Variants in SERPINI1 observed in about 807,000 individuals in gnomAD.
SERPINI1 encodes serpin family I member 1.
Under a neutral mutation model 41.1 loss-of-function variants are expected in SERPINI1, and 19 were observed. The observed-to-expected ratio is 0.46, with a 90% CI of 0.32 to 0.68. The LOEUF (loss-of-function observed/expected upper bound fraction) is 0.68. Ranked by LOEUF, SERPINI1 falls within the 30% of genes least tolerant of loss-of-function variation. The pLI, the probability that SERPINI1 is intolerant of heterozygous loss-of-function variation, is 0.03. For synonymous variants in SERPINI1, 138 were observed against 156.6 expected, an observed-to-expected ratio of 0.88 and a Z score of 0.89; for missense variants, 460 against 479.2, an observed-to-expected ratio of 0.96 and a Z score of 0.37.
At chr3:167,817,803 G>A (rs907938142) in intron 6 of SERPINI1, among the ~76,000 whole-genome samples, 1 of 151,724 alleles carries the variant, frequency 6.6e-6, no homozygotes, top group Non-Finnish European at 1.5e-5. Context: ...GTTTCACCGT[G>A]TTAGCCAGGG....
chr3:167,773,542 T>C (rs960914558), intron 1 of SERPINI1, among the ~76,000 whole-genome samples: 1 of 152,230 alleles, frequency 6.6e-6, no homozygotes, highest in Admixed American at 6.5e-5. Context: ...CAAATGTAAC[T>C]AGAATACTTT....
chr3:167,744,663 AAAATATATATAT>A (rs1288761045), intron 1 of SERPINI1, among the ~76,000 whole-genome samples: 2 of 118,728 alleles, frequency 1.7e-5, no homozygotes, highest in African/African-American at 3.8e-5. Flanking sequence ...TATAAATATA[AAAATATATATAT>A]AAATATATAT....
At chr3:167,783,999 C>T (rs955145588) in intron 1 of SERPINI1, among the ~76,000 whole-genome samples, 8 of 152,228 alleles carry the variant, frequency 5.3e-5, no homozygotes, top group African/African-American at 1.9e-4. Context: ...ACTGCCCTGG[C>T]AGAGGCCCTC....
At position 167,825,267 on chromosome 3, in the gene SERPINI1, C is replaced by G. The variant is rs761133163; in HGVS notation, c.1177C>G (p.Arg393Gly). The G allele has an allele frequency of 1.2e-6, 2 of 1,612,532 alleles. No individual in the cohort carries two copies. Among genetic ancestry groups the G allele is most frequent in the Non-Finnish European group, 1.7e-6 (2 of 1,178,780 alleles). Residue 393 changes from arginine (R) to glycine (G), a missense_variant, in exon 9 of 9, where the codon CGA (arginine) becomes GGA (glycine). Arg to Gly is a moderately radical substitution (Grantham distance 125, BLOSUM62 -2). Transcript: ENST00000446050. ...RRTGTILFMG[R>G]VMHPETMNTS... ...TACAGGTACAATTCTATTCATGGGA[C>G]GAGTCATGCATCCTGAAACAATGAA... is the stretch of plus-strand genomic sequence containing the variant.
chr3:167,757,177 GTTTTACT>G (rs1433949283), intron 1 of SERPINI1, among the ~76,000 whole-genome samples: 1 of 152,148 alleles, frequency 6.6e-6, no homozygotes, highest in African/African-American at 2.4e-5. Flanking sequence ...CAACCCTCCT[GTTTTACT>G]GATGAAGCCT....
At chr3:167,815,688 C>T (rs1712057229) in intron 6 of SERPINI1, among the ~76,000 whole-genome samples, 1 of 152,082 alleles carries the variant, frequency 6.6e-6, no homozygotes, top group South Asian at 2.1e-4. Flanking sequence ...CTATGCCCGG[C>T]CTTCTTATTT....
At chr3:167,791,316 AAATCATGTT>A (rs1450081846) in intron 3 of SERPINI1, among the ~76,000 whole-genome samples, 1 of 152,164 alleles carries the variant, frequency 6.6e-6, no homozygotes, top group East Asian at 1.9e-4. Flanking sequence ...AAAGCTACCC[AAATCATGTT>A]AATCTTGAAC....
intron 1 of SERPINI1, among the ~76,000 whole-genome samples, chr3:167,781,180 C>T (rs1285330323): frequency 1.3e-5 from 2 of 152,052 alleles, no homozygotes; most frequent in African/African-American, 4.8e-5. Flanking sequence ...AATCAGGAAA[C>T]ACAGGCCCGG....
intron 1 of SERPINI1, among the ~76,000 whole-genome samples, chr3:167,780,832 TGA>T (rs755054058): frequency 1.4e-4 from 21 of 152,122 alleles, no homozygotes; most frequent in Non-Finnish European, 2.5e-4. Context: ...AAAACTACTG[TGA>T]GAGGCAGGAC....
At chr3:167,751,027 T>G (rs996958832) in intron 1 of SERPINI1, among the ~76,000 whole-genome samples, 1 of 152,126 alleles carries the variant, frequency 6.6e-6, no homozygotes, top group Non-Finnish European at 1.5e-5. Flanking sequence ...GAATGTTTCA[T>G]GATAATATTA....
At chr3:167,744,655 TAAATATAA>T (rs1403392384) in intron 1 of SERPINI1, among the ~76,000 whole-genome samples, 3 of 129,460 alleles carry the variant, frequency 2.3e-5, no homozygotes, top group Non-Finnish European at 3.2e-5. Flanking sequence ...TAAATATATA[TAAATATAA>T]AAATATATAT....
intron 4 of SERPINI1, among the ~76,000 whole-genome samples, chr3:167,794,414 A>AT (rs890206402): frequency 2.7e-4 from 41 of 151,038 alleles, no homozygotes; most frequent in Admixed American, 6.6e-4. Flanking sequence ...CTTTTTATTT[A>AT]TTTTTTTTTA....
intron 1 of SERPINI1, among the ~76,000 whole-genome samples, chr3:167,766,483 C>G (rs140903211): frequency 6.6e-6 from 1 of 152,190 alleles, no homozygotes; most frequent in South Asian, 2.1e-4. Flanking sequence ...TCCCACAACA[C>G]GTGGGAATTA....
intron 2 of SERPINI1, among the ~76,000 whole-genome samples, chr3:167,790,017 T>C (rs1727445731): frequency 6.6e-6 from 1 of 152,184 alleles, no homozygotes. Context: ...CTGAGTAAAA[T>C]GTAAAGGATG....
intron 1 of SERPINI1, among the ~76,000 whole-genome samples, chr3:167,747,052 C>A (rs1216950560): frequency 2.0e-5 from 3 of 152,146 alleles, no homozygotes; most frequent in Non-Finnish European, 4.4e-5. Flanking sequence ...TGGATAAACA[C>A]AATGTTGTAT....
chr3:167,741,697 C>T (rs1387360861), intron 1 of SERPINI1, among the ~76,000 whole-genome samples: 1 of 152,212 alleles, frequency 6.6e-6, no homozygotes, highest in African/African-American at 2.4e-5. Flanking sequence ...AATTTAGAAT[C>T]ATTGAAGCAA....
chr3:167,803,110 C>T (rs868281920), intron 5 of SERPINI1, among the ~76,000 whole-genome samples: 9 of 151,586 alleles, frequency 5.9e-5, no homozygotes, highest in African/African-American at 1.2e-4. Context: ...GGGAACATCA[C>T]ACTCTGGGGA....
At chr3:167,754,736 A>G (rs1011374764) in intron 1 of SERPINI1, among the ~76,000 whole-genome samples, 4 of 152,310 alleles carry the variant, frequency 2.6e-5, no homozygotes, top group Non-Finnish European at 5.9e-5. Flanking sequence ...CTGCCACACT[A>G]TAGGATTTCC....
At chr3:167,796,589 T>C (rs1185800909) in intron 5 of SERPINI1, among the ~76,000 whole-genome samples, 1 of 152,150 alleles carries the variant, frequency 6.6e-6, no homozygotes. Flanking sequence ...CTCCCACTTA[T>C]AAGTGAGAAC....
Sources: allele counts gnomAD v4.1 joint callset (sites outside exome capture counted in the v4.1 genomes callset), GRCh38; gene constraint gnomAD v4.1.1; transcripts MANE v1.5; gene names NCBI Gene and HGNC (gene_info 2026-07-23, HGNC 2026-07-21).